The following GOLPH3L variants were observed in gnomAD, a reference collection of about 807,000 sequenced individuals.
The protein encoded by GOLPH3L is golgi phosphoprotein 3 like, also known as Golgi phosphoprotein 3-like.
In GOLPH3L, 22 loss-of-function variants were observed where a neutral mutation model predicts 30.3. The observed-to-expected ratio is 0.73, with a 90% CI of 0.52 to 1.04. GOLPH3L has a LOEUF of 1.04. GOLPH3L is among the 50% of genes least tolerant of loss of function. GOLPH3L has a pLI of 0.00. For synonymous variants in GOLPH3L, 120 were observed against 128.2 expected (o/e 0.94, Z 0.43); for missense variants, 303 against 345.8 (o/e 0.88, Z 0.98).
intron 2 of GOLPH3L, among the ~76,000 whole-genome samples, chr1:150,675,927 A>AT (rs924872302): frequency 1.1e-4 from 16 of 149,672 alleles, no homozygotes; most frequent in East Asian, 3.9e-4. Context: ...CACAACCCCA[A>AT]TTTTTTTTTA....
intron 2 of GOLPH3L, among the ~76,000 whole-genome samples, chr1:150,681,911 A>G (rs999357443): frequency 2.6e-5 from 4 of 152,080 alleles, no homozygotes; most frequent in African/African-American, 7.2e-5. Flanking sequence ...TACTAAAAAT[A>G]CAAAAATTAG....
intron 2 of GOLPH3L, among the ~76,000 whole-genome samples, chr1:150,668,401 G>C (rs1405766781): frequency 6.6e-6 from 1 of 152,044 alleles, no homozygotes; most frequent in African/African-American, 2.4e-5. Context: ...TTTTTGTTTG[G>C]ACACAGGGTA....
At chr1:150,695,425 C>G (rs931407556) in intron 1 of GOLPH3L, among the ~76,000 whole-genome samples, 1 of 151,960 alleles carries the variant, frequency 6.6e-6, no homozygotes, top group Non-Finnish European at 1.5e-5. Context: ...GCATGAGCCA[C>G]CAGGCCCGGC....
chr1:150,664,310 GC>G (rs1299397447), intron 2 of GOLPH3L, among the ~76,000 whole-genome samples: 5 of 152,090 alleles, frequency 3.3e-5, no homozygotes, highest in Middle Eastern at 3.2e-3. Flanking sequence ...GGTTTGACAT[GC>G]AAAATTTTAA....
At chr1:150,660,531 CA>C (rs34121215) in intron 4 of GOLPH3L, among the ~76,000 whole-genome samples, 59,488 of 151,968 alleles carry the variant, frequency 0.39, 13,307 homozygotes, top group Non-Finnish European at 0.5. Context: ...GGAAACAAGG[CA>C]AGTGTCCATC....
Position 150,694,844 on chromosome 1 carries a change from C to T in GOLPH3L, c.-6G>A, listed in dbSNP as rs199762068. ...CGGTGAGTTAAAGTGGTCATTCTCA[C>T]CTGTTTCTGGAGGGAGTGGTGAAAA... On this transcript the variant is annotated 5_prime_UTR_variant, in exon 2 of 5. The change creates a new upstream start codon in the 5' untranslated region. Transcript: ENST00000271732. The T allele has an allele frequency of 3.3e-5, 52 of 1,590,488 alleles. No individual in the cohort carries two copies. The highest frequency in any genetic ancestry group is 2.6e-6 in the Non-Finnish European group (3 of 1,170,290).
chr1:150,661,683 C>A, intron 4 of GOLPH3L, 131 bp downstream of exon 4: 1 of 581,482 alleles, frequency 1.7e-6, no homozygotes, highest in East Asian at 2.7e-5. Flanking sequence ...TTCTGTCCCT[C>A]ATTAGAATTA....
At chr1:150,653,731 C>G (rs192491914) in intron 4 of GOLPH3L, among the ~76,000 whole-genome samples, 1 of 151,782 alleles carries the variant, frequency 6.6e-6, no homozygotes, top group Non-Finnish European at 1.5e-5. Flanking sequence ...ACTGGGATTA[C>G]AGGTGTGAGC....
intron 2 of GOLPH3L, among the ~76,000 whole-genome samples, chr1:150,669,412 A>G (rs1054678731): frequency 7.9e-5 from 12 of 152,334 alleles, no homozygotes; most frequent in African/African-American, 2.6e-4. Flanking sequence ...TAGTGTATCT[A>G]TCTAACTTAG....
intron 2 of GOLPH3L, among the ~76,000 whole-genome samples, chr1:150,688,087 G>C (rs1017719177): frequency 2.0e-5 from 3 of 152,184 alleles, no homozygotes; most frequent in Non-Finnish European, 2.9e-5. Context: ...ACAGGGAAGT[G>C]GGCAGCATGT....
chr1:150,655,911 GTTTC>G (rs1433993766), intron 4 of GOLPH3L, among the ~76,000 whole-genome samples: 1 of 152,176 alleles, frequency 6.6e-6, no homozygotes, highest in East Asian at 1.9e-4. Context: ...TTAAAAGACT[GTTTC>G]TTTATTATCC....
rs1015654923 is a variant in GOLPH3L at position 150,694,709 on chromosome 1, T to C, written c.130A>G (p.Ile44Val). The C allele has an allele frequency of 1.9e-6, 3 of 1,611,186 alleles. No homozygotes were observed. In the African/African-American group the frequency reaches 4.0e-5, roughly 22 times the overall value. The change falls in exon 2 of 5, where the codon ATC (isoleucine) becomes GTC (valine). Residue 44 changes from isoleucine (I) to valine (V), a missense_variant. Coordinates refer to ENST00000271732, the MANE Select transcript of GOLPH3L (RefSeq NM_018178.6). The stretch of plus-strand genomic sequence containing the variant: ...ACTTCTTCCATAAGAGTAAGGCGGA[T>C]ATCCTTAGAGTCTCCAGAATCTTCA... Reference protein sequence around the residue: ...DNEDSGDSKDIRLTLMEEVLL... With the variant: ...DNEDSGDSKDVRLTLMEEVLL...
chr1:150,674,027 A>G (rs950943992), intron 2 of GOLPH3L, among the ~76,000 whole-genome samples: 2 of 152,050 alleles, frequency 1.3e-5, no homozygotes, highest in Admixed American at 1.3e-4. Context: ...ATATTTATCA[A>G]TTTATTCATC....
intron 2 of GOLPH3L, among the ~76,000 whole-genome samples, chr1:150,675,485 C>G (rs982654113): frequency 6.6e-6 from 1 of 152,054 alleles, no homozygotes; most frequent in Non-Finnish European, 1.5e-5. Flanking sequence ...CTCTCCCAAC[C>G]CCAATTCTGG....
intron 2 of GOLPH3L, among the ~76,000 whole-genome samples, chr1:150,673,926 C>CA (rs71086590): frequency 0.47 from 46,612 of 98,198 alleles, 10,216 homozygotes; most frequent in Non-Finnish European, 0.57. Context: ...CTCCCATCTC[C>CA]AAAAAAAAAA....
Position 150,669,466 on chromosome 1 carries a change from C to T in GOLPH3L, c.184-5703G>A, listed in dbSNP as rs587727431. On this transcript the variant is annotated intron_variant, in intron 2 of 4. Transcript: ENST00000271732. ...ATAATAAAGATTCTATATTAAATGG[C>T]CAATGCTTTGGTATGTCTGAGCAGG... Among the ~76,000 whole-genome samples the T allele has an allele frequency of 2.0e-5, 3 of 152,220 alleles. No individual in the cohort carries two copies. In the East Asian group the frequency reaches 5.8e-4, roughly 29 times the overall value.
intron 2 of GOLPH3L, among the ~76,000 whole-genome samples, chr1:150,690,070 T>C (rs1210596477): frequency 6.6e-6 from 1 of 152,064 alleles, no homozygotes; most frequent in Non-Finnish European, 1.5e-5. Flanking sequence ...CACTCCAGCC[T>C]TGAACTCCTG....
chr1:150,661,704 C>T, intron 4 of GOLPH3L, 110 bp downstream of exon 4: 2 of 634,236 alleles, frequency 3.2e-6, no homozygotes, highest in Non-Finnish European at 2.9e-6. Flanking sequence ...AATAGTGAAC[C>T]ACATCTATCT....
intron 2 of GOLPH3L, 53 bp from the exon 3 acceptor site, chr1:150,663,816 TC>T: frequency 1.3e-6 from 2 of 1,531,878 alleles, no homozygotes; most frequent in Non-Finnish European, 1.8e-6. Flanking sequence ...AATACTGACT[TC>T]CAGCAGGCAC....
Sources: gnomAD v4.1 joint callset for allele counts (sites outside exome capture counted in the v4.1 genomes callset) on GRCh38, gnomAD v4.1.1 for gene constraint, MANE v1.5 for transcripts, NCBI Gene and HGNC (gene_info 2026-07-23, HGNC 2026-07-21) for gene names.